The following TMCO6 variants were observed in gnomAD, a reference collection of about 807,000 sequenced individuals.
The protein encoded by TMCO6 is transmembrane and coiled-coil domains 6, also known as transmembrane and coiled-coil domain-containing protein 6.
TMCO6 carries 47 observed loss-of-function variants against 61.8 expected under a neutral mutation model. The ratio of observed to expected loss-of-function variants is 0.76; its 90% CI spans 0.60 to 0.97. The LOEUF is 0.97. Among genes scored for constraint, TMCO6 ranks in the 50% least tolerant of loss-of-function variants. The pLI is 0.00. For synonymous variants in TMCO6, 261 were observed against 254.2 expected (o/e 1.03, Z -0.25); for missense variants, 557 against 601.6 (o/e 0.93, Z 0.78).
rs963587032 is a variant in TMCO6, at chr5:140,639,720, C to T, written c.86-19C>T. ...TTGTGGTCGTCCTTCCCACGCTCAG[C>T]CGGCTCCTCTGCCCCCAGCACTGCG... On this transcript the variant is annotated intron_variant, in intron 1 of 11. Transcript: ENST00000394671. 1.3e-5 allele frequency: 21 copies of T among 1,573,540 alleles called. No homozygotes were observed. Among genetic ancestry groups the T allele is most frequent in the African/African-American group, 2.7e-5 (2 of 74,458 alleles).
At chr5:140,633,988 T>C in the TMCO6 span, among the ~76,000 whole-genome samples, 1 of 151,956 alleles carries the variant, frequency 6.6e-6, no homozygotes, top group African/African-American at 2.4e-5. Flanking sequence ...CAGGTTTTCA[T>C]CATCTTGGCC....
Position 140,639,830 on chromosome 5 carries a change from T to C in TMCO6, c.177T>C (p.Ala59=), listed in dbSNP as rs1197118690. 1 of 1,608,362 alleles carries C rather than the reference T, an allele frequency of 6.2e-7. No homozygotes were observed. Among genetic ancestry groups the C allele is most frequent in the East Asian group, 2.2e-5 (1 of 44,716 alleles). The change falls in exon 2 of 12, where the codon GCT becomes GCC. Residue 59 remains alanine, a synonymous_variant. Transcript: ENST00000394671. ...APEEAGEGCV[A]AILGETEVQQ... The stretch of plus-strand genomic sequence containing the variant: ...AGGAAGCTGGAGAGGGATGTGTGGC[T>C]GCGATCCTCGGGGAAACCGAGGTGA...
chr5:140,625,006 A>G, the TMCO6 span, among the ~76,000 whole-genome samples: 1 of 151,398 alleles, frequency 6.6e-6, no homozygotes, highest in African/African-American at 2.4e-5. Flanking sequence ...GGCGCTTGGC[A>G]CCGCGCCTGG....
the TMCO6 span, among the ~76,000 whole-genome samples, chr5:140,619,092 A>C: frequency 1.3e-5 from 2 of 152,252 alleles, no homozygotes; most frequent in African/African-American, 4.8e-5. Context: ...ACTGATGTGC[A>C]AAATATACAA....
chr5:140,646,722 A>C (rs954659421), downstream of TMCO6, among the ~76,000 whole-genome samples: 1 of 152,208 alleles, frequency 6.6e-6, no homozygotes, highest in African/African-American at 2.4e-5. Context: ...GTAAAGGCTC[A>C]ATCCTGTTAA....
the TMCO6 span, among the ~76,000 whole-genome samples, chr5:140,614,013 C>T: frequency 6.6e-6 from 1 of 152,104 alleles, no homozygotes; most frequent in African/African-American, 2.4e-5. Flanking sequence ...ATTCTCCTGC[C>T]TCAGCCTCCT....
the TMCO6 span, among the ~76,000 whole-genome samples, chr5:140,598,140 C>A: frequency 6.6e-6 from 1 of 152,246 alleles, no homozygotes; most frequent in South Asian, 2.1e-4. Context: ...AACATTTAAA[C>A]AAGTGCTTCA....
chr5:140,624,195 T>G, the TMCO6 span, among the ~76,000 whole-genome samples: 1 of 151,878 alleles, frequency 6.6e-6, no homozygotes, highest in Non-Finnish European at 1.5e-5. Flanking sequence ...TGAAACCCCG[T>G]CTCTACTAAA....
At chr5:140,627,780 C>T in the TMCO6 span, among the ~76,000 whole-genome samples, 3 of 150,786 alleles carry the variant, frequency 2.0e-5, no homozygotes, top group African/African-American at 2.4e-5. Flanking sequence ...CATGTAGTCC[C>T]AGCTACTCAG....
chr5:140,647,693 G>A (rs1164520567), downstream of TMCO6: 3 of 1,433,366 alleles, frequency 2.1e-6, no homozygotes, highest in South Asian at 1.2e-5. Context: ...CAGGGGCGGG[G>A]TAAAGCTTGG....
chr5:140,632,643 G>A, the TMCO6 span: 2 of 1,613,742 alleles, frequency 1.2e-6, no homozygotes, highest in South Asian at 1.1e-5. This position sits in a 1 kb window ranked among gnomAD's most constrained non-coding sequence, Gnocchi z 6.2. Flanking sequence ...GCGGGAGTAC[G>A]CTAGCACACG....
the TMCO6 span, among the ~76,000 whole-genome samples, chr5:140,602,731 T>C: frequency 6.6e-6 from 1 of 151,444 alleles, no homozygotes; most frequent in East Asian, 1.9e-4. Context: ...GCCACTGCAC[T>C]CCAGCCTTGG....
chr5:140,646,051 C>T, downstream of TMCO6, among the ~76,000 whole-genome samples: 1 of 150,576 alleles, frequency 6.6e-6, no homozygotes, highest in Non-Finnish European at 1.5e-5. Context: ...CGCTCTGTCA[C>T]CCAGGCTGGA....
intron 10 of TMCO6, 67 bp from the exon 11 acceptor site, chr5:140,644,506 A>G: frequency 1.9e-6 from 3 of 1,571,946 alleles, no homozygotes; most frequent in South Asian, 2.3e-5. Flanking sequence ...ACCATGTCAT[A>G]TATTTTAGCT....
the TMCO6 span, among the ~76,000 whole-genome samples, chr5:140,630,027 T>C: frequency 6.6e-6 from 1 of 151,512 alleles, no homozygotes; most frequent in Non-Finnish European, 1.5e-5. Context: ...TCTCACTCTT[T>C]CGCTCAGGCT....
downstream of TMCO6, chr5:140,646,957 T>C (rs1581475463): frequency 6.2e-5 from 19 of 308,450 alleles, no homozygotes; most frequent in East Asian, 1.2e-3. Context: ...CTACACGTTA[T>C]TTGGAGAAAC....
intron 7 of TMCO6, chr5:140,643,291 G>C: frequency 3.3e-6 from 2 of 600,984 alleles, no homozygotes; most frequent in Non-Finnish European, 5.7e-6. Flanking sequence ...CTGCCTCCCG[G>C]GTTCAAGCGA....
chr5:140,616,777 G>A, the TMCO6 span, among the ~76,000 whole-genome samples: 3 of 152,180 alleles, frequency 2.0e-5, no homozygotes, highest in Admixed American at 6.5e-5. Flanking sequence ...CAGTCATGGT[G>A]ACTGATGCCT....
the TMCO6 span, among the ~76,000 whole-genome samples, chr5:140,616,140 A>G: frequency 9.0e-6 from 1 of 111,384 alleles, no homozygotes; most frequent in Non-Finnish European, 2.0e-5. Context: ...TCAAGAAAAA[A>G]AAAAGAAGAA....
Sources: gnomAD v4.1 joint callset for allele counts (sites outside exome capture counted in the v4.1 genomes callset) on GRCh38, gnomAD v4.1.1 for gene constraint, Gnocchi (gnomAD v3.1) non-coding constraint, MANE v1.5 for transcripts, NCBI Gene and HGNC (gene_info 2026-07-23, HGNC 2026-07-21) for gene names.